DOCK8: variants seen among roughly 807,000 people sequenced by gnomAD.
DOCK8 encodes dedicator of cytokinesis 8.
Under a neutral mutation model 245.6 loss-of-function variants are expected in DOCK8, and 141 were observed. That is an observed-to-expected ratio of 0.57 (90% CI 0.50 to 0.66). The LOEUF is 0.66. DOCK8 is among the 30% of genes least tolerant of loss of function. The probability of loss-of-function intolerance (pLI) is 0.00; values close to 1 mark genes in which losing one functional copy is unlikely to be tolerated. For missense variants in DOCK8, 2,965 were observed against 2,603.4 expected, an observed-to-expected ratio of 1.14 and a Z score of -3.02; for synonymous variants, 1,168 against 970.2, an observed-to-expected ratio of 1.20 and a Z score of -3.79.
chr9:214,671 G>C (rs762770893), upstream of DOCK8: 3 of 1,594,930 alleles, frequency 1.9e-6, no homozygotes, highest in African/African-American at 1.3e-5. Context: ...GGAGGTCGGC[G>C]GCCCCGGGCA....
At chr9:419,855 A>G (rs1221691978) in intron 30 of DOCK8, among the ~76,000 whole-genome samples, 1 of 152,100 alleles carries the variant, frequency 6.6e-6, no homozygotes, top group Non-Finnish European at 1.5e-5. Context: ...ATTACAGAGA[A>G]CTCCACAAAC....
rs554053922 is a variant in DOCK8, at chr9:463,608, A to G, written c.6160A>G (p.Lys2054Glu). The change falls in exon 47 of 48, where the codon AAA becomes GAA. Residue 2054 changes from lysine (K) to glutamate (E), a missense_variant. Transcript: ENST00000432829. ...ACTCAAAAAGAACTATAACAAGCTA[A>G]AAGAGAACCTCAGGCCAATGATCGA... ...QELKKNYNKLKENLRPMIERK... is the reference protein window; with the variant it reads ...QELKKNYNKLEENLRPMIERK... 5 of 1,614,100 alleles carry G rather than the reference A, an allele frequency of 3.1e-6. No individual in the cohort carries two copies. The South Asian group carries it at 5.5e-5, about 18-fold the overall frequency.
chr9:247,269 T>A (rs2047527272), intron 1 of DOCK8, among the ~76,000 whole-genome samples: 1 of 152,210 alleles, frequency 6.6e-6, no homozygotes, highest in Admixed American at 6.5e-5. Flanking sequence ...TTAATTGCTT[T>A]AAAGTCAATT....
intron 28 of DOCK8, among the ~76,000 whole-genome samples, chr9:410,276 A>G (rs2055660884): frequency 6.6e-6 from 1 of 152,222 alleles, no homozygotes; most frequent in Non-Finnish European, 1.5e-5. Context: ...CCCCTCAAGT[A>G]ACCACTATTC....
At chr9:360,706 CA>C (rs887801384) in intron 14 of DOCK8, among the ~76,000 whole-genome samples, 1 of 152,172 alleles carries the variant, frequency 6.6e-6, no homozygotes, top group African/African-American at 2.4e-5. Flanking sequence ...TTAAGTTGTT[CA>C]TAGATCCTAG....
chr9:235,014 C>A (rs2047212372), intron 1 of DOCK8, among the ~76,000 whole-genome samples: 1 of 152,036 alleles, frequency 6.6e-6, no homozygotes, highest in African/African-American at 2.4e-5. Flanking sequence ...TGTTTTTTTC[C>A]CATCTTTGTG....
intron 2 of DOCK8, among the ~76,000 whole-genome samples, chr9:275,795 G>T (rs753778277): frequency 1.3e-5 from 2 of 152,062 alleles, no homozygotes; most frequent in Non-Finnish European, 2.9e-5. Context: ...CACCATGTTG[G>T]CCAGGCTGGT....
intron 46 of DOCK8, among the ~76,000 whole-genome samples, chr9:462,097 A>T (rs1273551361): frequency 1.3e-5 from 2 of 150,180 alleles, no homozygotes; most frequent in Non-Finnish European, 3.0e-5. Context: ...TGTTTGATGC[A>T]TCTGTTAGTT....
At chr9:393,938 C>G (rs7042777) in intron 24 of DOCK8, among the ~76,000 whole-genome samples, 3 of 152,128 alleles carry the variant, frequency 2.0e-5, no homozygotes, top group Non-Finnish European at 4.4e-5. Context: ...CTGGCAGAAG[C>G]CTTTCTCTAT....
At chr9:397,085 C>T (rs2054497615) in intron 25 of DOCK8, 151 bp downstream of exon 25, 4 of 997,474 alleles carry the variant, frequency 4.0e-6, no homozygotes, top group East Asian at 5.2e-5. Context: ...GGACTGGACC[C>T]TGATGTGGGG....
chr9:340,132 T>G (rs781305033), intron 13 of DOCK8, 27 bp from the exon 14 acceptor site: 1 of 1,611,724 alleles, frequency 6.2e-7, no homozygotes, highest in Non-Finnish European at 8.5e-7. Context: ...GTTTCTTTAC[T>G]AGAACATTCC....
chr9:324,310 A>T (rs1199818786), intron 7 of DOCK8, among the ~76,000 whole-genome samples: 1 of 152,212 alleles, frequency 6.6e-6, no homozygotes, highest in African/African-American at 2.4e-5. Context: ...TGATGAGGAC[A>T]TCCTCTCACA....
At chr9:299,459 C>T (rs1586635946) in intron 4 of DOCK8, among the ~76,000 whole-genome samples, 1 of 152,172 alleles carries the variant, frequency 6.6e-6, no homozygotes, top group East Asian at 1.9e-4. Flanking sequence ...GATGCGGTTT[C>T]ACCATGTCAC....
intron 12 of DOCK8, among the ~76,000 whole-genome samples, chr9:337,504 G>C (rs1217245281): frequency 6.6e-6 from 1 of 152,132 alleles, no homozygotes; most frequent in Admixed American, 6.5e-5. Context: ...CTTCCCGGTG[G>C]ATCTCAGGGT....
intron 1 of DOCK8, among the ~76,000 whole-genome samples, chr9:219,336 TG>T (rs35859243): frequency 6.6e-6 from 1 of 152,004 alleles, no homozygotes; most frequent in East Asian, 1.9e-4. Flanking sequence ...CCAGGTGTAG[TG>T]GTGTGCACCT....
rs184957573 is a variant in DOCK8 at position 341,186 on chromosome 9, A to G, written c.1679+865A>G. Among the ~76,000 whole-genome samples the G allele has an allele frequency of 2.6e-5, 4 of 152,328 alleles. 1 individual carries two copies. The highest frequency in any genetic ancestry group is 2.6e-4 in the Admixed American group (4 of 15,310). On this transcript the variant is annotated intron_variant, in intron 14 of 47. Coordinates refer to ENST00000432829, the MANE Select transcript of DOCK8 (RefSeq NM_203447.4). Reference sequence around the variant, plus strand: ...TGGAGGAACTGAAAAATTGATTTTAATTAATTTTAATTTAAAGTCAAGTAA... The same window carrying G: ...TGGAGGAACTGAAAAATTGATTTTAGTTAATTTTAATTTAAAGTCAAGTAA...
At chr9:463,736 C>G in intron 47 of DOCK8, 49 bp downstream of exon 47, 1 of 1,608,164 alleles carries the variant, frequency 6.2e-7, no homozygotes, top group Non-Finnish European at 8.5e-7. Context: ...AAGAGCAGCG[C>G]ATGGGGCCTA....
intron 1 of DOCK8, among the ~76,000 whole-genome samples, chr9:257,475 A>G (rs184007871): frequency 6.6e-6 from 1 of 152,216 alleles, no homozygotes; most frequent in East Asian, 1.9e-4. Flanking sequence ...CTGCAACAGA[A>G]TCATCTGGAG....
At chr9:422,464 A>T (rs2056314850) in intron 33 of DOCK8, among the ~76,000 whole-genome samples, 1 of 152,240 alleles carries the variant, frequency 6.6e-6, no homozygotes, top group African/African-American at 2.4e-5. Flanking sequence ...CTAGGACCGT[A>T]TACTTTCAAA....
Sources: allele counts gnomAD v4.1 joint callset (sites outside exome capture counted in the v4.1 genomes callset), GRCh38; gene constraint gnomAD v4.1.1; transcripts MANE v1.5; gene names NCBI Gene and HGNC (gene_info 2026-07-23, HGNC 2026-07-21).